CD40LG: variants seen among roughly 807,000 people sequenced by gnomAD.
The protein encoded by CD40LG is CD40 ligand.
A neutral mutation model predicts 17.2 loss-of-function variants in CD40LG; 1 was observed. The observed-to-expected ratio is 0.06, with a 90% confidence interval of 0.02 to 0.28. The LOEUF (loss-of-function observed/expected upper bound fraction) is 0.28, where lower values mean the gene tolerates loss of function less well. Ranked by LOEUF, CD40LG falls within the 10% of genes least tolerant of loss-of-function variation. CD40LG has a pLI of 1.00. For synonymous variants in CD40LG, 66 were observed against 74.4 expected (o/e 0.89, Z 0.58); for missense variants, 133 against 193.2 (o/e 0.69, Z 1.85).
Position 136,648,228 on chromosome X carries a change from C to A in CD40LG, c.-21C>A. The A allele has an allele frequency of 3.4e-6, 4 of 1,183,317 alleles. No individual in the cohort carries two copies. The East Asian group carries it at 1.2e-4, about 35-fold the overall frequency. ...CTGCCACCTTCTCTGCCAGAAGATA[C>A]CATTTCAACTTTAACACAGCATGAT... On this transcript the variant is annotated 5_prime_UTR_variant, in exon 1 of 5. Coordinates refer to ENST00000370629, the MANE Select transcript of CD40LG (RefSeq NM_000074.3).
intron 2 of CD40LG, 113 bp downstream of exon 2, chrX:136,650,510 G>A (rs1021070871): frequency 6.5e-6 from 4 of 614,649 alleles, no homozygotes; most frequent in Non-Finnish European, 1.1e-5. Context: ...CAGACACACA[G>A]ACACACACAC....
At chrX:136,658,937 C>A (rs748533604) in intron 4 of CD40LG, 102 bp from the exon 5 acceptor site, 2 of 903,742 alleles carry the variant, frequency 2.2e-6, no homozygotes, top group African/African-American at 2.0e-5. Flanking sequence ...GAGAATCCAT[C>A]CCTATACAAA....
chrX:136,650,450 G>C (rs930417118), intron 2 of CD40LG, 53 bp downstream of exon 2: 2 of 1,100,369 alleles, frequency 1.8e-6, no homozygotes, highest in African/African-American at 3.6e-5. Context: ...TACTACATTT[G>C]CTAGATCGGG....
intron 2 of CD40LG, among the ~76,000 whole-genome samples, chrX:136,650,721 T>C (rs1220342018): frequency 6.3e-5 from 7 of 111,268 alleles, no homozygotes; most frequent in Non-Finnish European, 1.3e-4. Flanking sequence ...TGTCTCCCCA[T>C]CCAAACCTTG....
Position 136,654,558 on chromosome X carries a change from C to T in CD40LG, c.346+128C>T, listed in dbSNP as rs760105946. 14 of 518,955 alleles carry T rather than the reference C, an allele frequency of 2.7e-5. No homozygotes were observed. In the African/African-American group the frequency reaches 2.8e-4, roughly 10 times the overall value. 42.8% of individuals were successfully genotyped at this position (518,955 alleles called of 1,213,427 possible). A position where few individuals can be genotyped will look rare whatever the true frequency, so the allele number is the denominator to read the frequency against. ...TAGCCCTGGAAATAAAACAGGAACA[C>T]AATTGTCAAATTGACACCTTCTCTG... is the stretch of plus-strand genomic sequence containing the variant. On this transcript the variant is annotated intron_variant, in intron 3 of 4. Transcript: ENST00000370629.
Position 136,654,414 on chromosome X carries a change from C to A in CD40LG, c.330C>A (p.Ser110Arg), listed in dbSNP as rs368691563. The A allele has an allele frequency of 2.4e-5, 29 of 1,194,566 alleles. No individual in the cohort carries two copies. Among genetic ancestry groups the A allele is most frequent in the Non-Finnish European group, 3.3e-5 (29 of 881,106 alleles). Reference protein sequence around the residue: ...LNKEETKKENSFEMQKGDQNP... With the variant: ...LNKEETKKENRFEMQKGDQNP... ...AAGAGGAGACGAAGAAAGAAAACAGCTTTGAAATGCAAAAAGGTAGGTTTG... is the reference window on the plus strand; with the variant it reads ...AAGAGGAGACGAAGAAAGAAAACAGATTTGAAATGCAAAAAGGTAGGTTTG... Residue 110 changes from serine (S) to arginine (R), a missense_variant, in exon 3 of 5, where the codon AGC (serine) becomes AGA (arginine). By Grantham distance (110) the Ser-to-Arg change is moderately radical. Coordinates refer to ENST00000370629, the MANE Select transcript of CD40LG (RefSeq NM_000074.3).
chrX:136,652,492 C>T (rs2076106851), intron 2 of CD40LG, among the ~76,000 whole-genome samples: 1 of 111,435 alleles, frequency 9.0e-6, no homozygotes, highest in African/African-American at 3.3e-5. Flanking sequence ...TGAATCAGGT[C>T]TTGATGGGGT....
At chrX:136,650,720 A>G (rs1370312641) in intron 2 of CD40LG, among the ~76,000 whole-genome samples, 2 of 111,358 alleles carry the variant, frequency 1.8e-5, no homozygotes, top group African/African-American at 6.5e-5. Flanking sequence ...GTGTCTCCCC[A>G]TCCAAACCTT....
intron 1 of CD40LG, 28 bp downstream of exon 1, chrX:136,648,432 C>T: frequency 8.4e-7 from 1 of 1,187,000 alleles, no homozygotes; most frequent in African/African-American, 1.7e-5. Flanking sequence ...CCTTTATTAA[C>T]TAAATTTGGG....
At chrX:136,655,271 C>T (rs1335716370) in intron 3 of CD40LG, among the ~76,000 whole-genome samples, 1 of 111,666 alleles carries the variant, frequency 9.0e-6, no homozygotes, top group African/African-American at 3.3e-5. Context: ...CTTCTCCAGG[C>T]TAAAGATCCC....
intron 4 of CD40LG, among the ~76,000 whole-genome samples, chrX:136,657,186 A>G (rs1394939832): frequency 1.8e-5 from 2 of 111,771 alleles, no homozygotes; most frequent in African/African-American, 6.5e-5. Flanking sequence ...TAAGCAGTGC[A>G]TGTGTGTGTG....
chrX:136,653,143 C>A lies in CD40LG; in HGVS notation c.289-1230C>A, dbSNP rs189522282. ...ACTTTTTGAAAAGACACTAAATAGT[C>A]ATTTGTTTACTTGTGATCTCACAAA... is the stretch of plus-strand genomic sequence containing the variant. On this transcript the variant is annotated intron_variant, in intron 2 of 4. Coordinates refer to ENST00000370629, the MANE Select transcript of CD40LG (RefSeq NM_000074.3). Among the ~76,000 whole-genome samples the A allele has an allele frequency of 2.8e-4, 32 of 112,427 alleles. No homozygotes were observed. In the East Asian group the frequency reaches 7.5e-3, roughly 26 times the overall value.
Position 136,660,183 on chromosome X carries a change from CTCT to C in CD40LG, c.*773_*775del, listed in dbSNP as rs1156709429. ...AGAGTCAGGCCGTTGCTAGTCAGTTCTCTTCTTTCCACCCTGTCCCTATCTCTA... is the reference window on the plus strand; with the variant it reads ...AGAGTCAGGCCGTTGCTAGTCAGTTCTCTTTCCACCCTGTCCCTATCTCTA... On this transcript the variant is annotated 3_prime_UTR_variant, in exon 5 of 5. Coordinates refer to ENST00000370629, the MANE Select transcript of CD40LG (RefSeq NM_000074.3). The C allele has an allele frequency of 1.9e-5, 2 of 102,785 alleles. No individual in the cohort carries two copies. Among genetic ancestry groups the C allele is most frequent in the Non-Finnish European group, 3.9e-5 (2 of 51,042 alleles). 8.5% of individuals were successfully genotyped at this position (102,785 alleles called of 1,213,427 possible). A position where few individuals can be genotyped will look rare whatever the true frequency, so the allele number is the denominator to read the frequency against.
rs368003929 is a variant in CD40LG, at chrX:136,648,286, C to T, written c.38C>T (p.Ala13Val). 1.4e-4 allele frequency: 172 copies of T among 1,198,572 alleles called. No homozygotes were observed. Among genetic ancestry groups the T allele is most frequent in the Non-Finnish European group, 1.8e-4 (161 of 885,155 alleles). Residue 13 changes from alanine (A) to valine (V), a missense_variant, in exon 1 of 5, where the codon GCG (alanine) becomes GTG (valine). Ala to Val is a moderately conservative substitution (Grantham distance 64, BLOSUM62 0). Coordinates refer to ENST00000370629, the MANE Select transcript of CD40LG (RefSeq NM_000074.3). Reference sequence around the variant, plus strand: ...TACAACCAAACTTCTCCCCGATCTGCGGCCACTGGACTGCCCATCAGCATG... The same window carrying T: ...TACAACCAAACTTCTCCCCGATCTGTGGCCACTGGACTGCCCATCAGCATG... Reference protein sequence around the residue: ...ETYNQTSPRSAATGLPISMKI... With the variant: ...ETYNQTSPRSVATGLPISMKI...
In CD40LG at chrX:136,656,435, C is replaced by T. The variant is rs1195970071; in HGVS notation, c.409+17C>T. ...CAACATCTGGTAAGTCACACAGCATCTGAGCGGTAGCCACCCAAGGGGAAA... is the reference window on the plus strand; with the variant it reads ...CAACATCTGGTAAGTCACACAGCATTTGAGCGGTAGCCACCCAAGGGGAAA... On this transcript the variant is annotated intron_variant, in intron 4 of 4. Transcript: ENST00000370629. The T allele has an allele frequency of 1.7e-5, 20 of 1,176,265 alleles. No homozygotes were observed. Among genetic ancestry groups the T allele is most frequent in the Non-Finnish European group, 2.3e-5 (20 of 864,563 alleles).
intron 2 of CD40LG, 113 bp from the exon 3 acceptor site, chrX:136,654,260 T>A (rs1170475923): frequency 1.7e-6 from 1 of 588,999 alleles, no homozygotes; most frequent in African/African-American, 2.2e-5. Context: ...TATATGATAA[T>A]CCTCACCAGA....
At position 136,659,758 on chromosome X, in the gene CD40LG, C is replaced by T. The variant is rs1489005760; in HGVS notation, c.*343C>T. 9 of 238,360 alleles carry T rather than the reference C, an allele frequency of 3.8e-5. No individual in the cohort carries two copies. The highest frequency in any genetic ancestry group is 3.3e-4 in the East Asian group (4 of 12,152). The allele number at this position is 238,360 out of a possible 1,213,427, so 19.6% of individuals were successfully genotyped here. A position where few individuals can be genotyped will look rare whatever the true frequency, so the allele number is the denominator to read the frequency against. On this transcript the variant is annotated 3_prime_UTR_variant, in exon 5 of 5. Transcript: ENST00000370629. ...TGCCAAGTTCAGTTTTGTTTCTTTG[C>T]GTGCAGTGTCTTTCCATGGATAATG...
rs104894778 is a variant in CD40LG at position 136,656,377 on chromosome X, C to T, written c.368C>T (p.Ala123Val). 6.6e-6 allele frequency: 8 copies of T among 1,207,416 alleles called. No individual in the cohort carries two copies. Among genetic ancestry groups the T allele is most frequent in the Admixed American group, 4.4e-5 (2 of 45,793 alleles). Residue 123 changes from alanine to valine, a missense_variant, in exon 4 of 5, where the codon GCG becomes GTG. By Grantham distance (64) the Ala-to-Val change is moderately conservative. Coordinates refer to ENST00000370629, the MANE Select transcript of CD40LG (RefSeq NM_000074.3). ...MQKGDQNPQI[A>V]AHVISEASSK... Reference sequence around the variant, plus strand: ...TCAGGTGATCAGAATCCTCAAATTGCGGCACATGTCATAAGTGAGGCCAGC... The same window carrying T: ...TCAGGTGATCAGAATCCTCAAATTGTGGCACATGTCATAAGTGAGGCCAGC...
Position 136,659,864 on chromosome X carries a change from A to T in CD40LG, c.*449A>T. On this transcript the variant is annotated 3_prime_UTR_variant, in exon 5 of 5. Transcript: ENST00000370629. The stretch of plus-strand genomic sequence containing the variant: ...CAGTTATGGTTGACTCTGGGTTCCT[A>T]TGGCCTTGTTGGAGGGGGCCAGGCT... 9.2e-6 allele frequency: 1 copy of T among 108,189 alleles called. No individual in the cohort carries two copies. Among genetic ancestry groups the T allele is most frequent in the Non-Finnish European group, 1.8e-5 (1 of 55,877 alleles). 8.9% of individuals were successfully genotyped at this position (108,189 alleles called of 1,213,427 possible).
Sources: gnomAD v4.1 joint callset for allele counts (sites outside exome capture counted in the v4.1 genomes callset) on GRCh38, gnomAD v4.1.1 for gene constraint, MANE v1.5 for transcripts, NCBI Gene and HGNC (gene_info 2026-07-23, HGNC 2026-07-21) for gene names.